SH3PXD2A: variants seen among roughly 807,000 people sequenced by gnomAD.
The protein encoded by SH3PXD2A is SH3 and PX domain-containing protein 2A.
A neutral mutation model predicts 115.2 loss-of-function variants in SH3PXD2A; 32 were observed. That is an observed-to-expected ratio of 0.28 (90% CI 0.21 to 0.37). The LOEUF is 0.37. Ranked by LOEUF, SH3PXD2A falls within the 10% of genes least tolerant of loss-of-function variation. The pLI, the probability that SH3PXD2A is intolerant of heterozygous loss-of-function variation, is 1.00. For missense variants in SH3PXD2A, 1,328 were observed against 1,498.7 expected (o/e 0.89, Z 1.88); for synonymous variants, 610 against 629.1 (o/e 0.97, Z 0.45).
At chr10:103,668,718 GGCAGGAGGTCCACAGTGAGTGGCT>G in intron 6 of SH3PXD2A, 66 bp from the exon 7 acceptor site, 2 of 1,435,078 alleles carry the variant, frequency 1.4e-6, no homozygotes, top group Non-Finnish European at 1.9e-6. Flanking sequence ...CGGTTAGGCA[GGCAGGAGGTCCACAGTGAGTGGCT>G]GCAGGCGCCG....
At chr10:103,802,363 C>T (rs117844632) in intron 1 of SH3PXD2A, among the ~76,000 whole-genome samples, 28 of 152,194 alleles carry the variant, frequency 1.8e-4, no homozygotes, top group Non-Finnish European at 2.9e-4. Flanking sequence ...GGCGTTAGCA[C>T]GTGGGAGACT....
At chr10:103,782,185 G>A (rs2038937316) in intron 2 of SH3PXD2A, among the ~76,000 whole-genome samples, 1 of 152,220 alleles carries the variant, frequency 6.6e-6, no homozygotes, top group Non-Finnish European at 1.5e-5. Flanking sequence ...TCCTCCCAAT[G>A]TTCCACGCCG....
rs1564841622 is a variant in SH3PXD2A, at chr10:103,603,714, T to G, written c.1504A>C (p.Ile502Leu). 1 of 1,611,018 alleles carries G rather than the reference T, an allele frequency of 6.2e-7. No homozygotes were observed. Among genetic ancestry groups the G allele is most frequent in the Non-Finnish European group, 8.5e-7 (1 of 1,179,796 alleles). The stretch of plus-strand genomic sequence containing the variant: ...AGGTTGGGCTTCTTGCGCTTATCGA[T>G]GTATGATGCGGGGGCCCAGCCCTCC... ...EKEGWAPASY[I>L]DKRKKPNLSR... The change falls in exon 15 of 15, where the codon ATC becomes CTC. Residue 502 changes from isoleucine (I) to leucine (L), a missense_variant. Ile to Leu is a conservative substitution (Grantham distance 5). Coordinates refer to ENST00000369774, the MANE Select transcript of SH3PXD2A (RefSeq NM_001394015.1).
chr10:103,597,761 C>G lies in SH3PXD2A; in HGVS notation c.*4055G>C, dbSNP rs1369303235. 6.6e-6 allele frequency: 1 copy of G among 152,650 alleles called. No homozygotes were observed. Among genetic ancestry groups the G allele is most frequent in the Non-Finnish European group, 1.5e-5 (1 of 68,046 alleles). The allele number at this position is 152,650 out of a possible 1,614,324, so 9.5% of individuals were successfully genotyped here. On this transcript the variant is annotated 3_prime_UTR_variant, in exon 15 of 15. Coordinates refer to ENST00000369774, the MANE Select transcript of SH3PXD2A (RefSeq NM_001394015.1). ...TCCATCTTGGTAATATTGCACTTTTCCTGTCTCTCAGATTGTTTCCATTTT... is the reference window on the plus strand; with the variant it reads ...TCCATCTTGGTAATATTGCACTTTTGCTGTCTCTCAGATTGTTTCCATTTT...
intron 6 of SH3PXD2A, 52 bp from the exon 7 acceptor site, chr10:103,668,704 A>C: frequency 6.6e-7 from 1 of 1,520,096 alleles, no homozygotes. Flanking sequence ...CCAGAGAGAG[A>C]GAACGGTTAG....
At chr10:103,611,782 G>A in intron 12 of SH3PXD2A, 152 bp from the exon 13 acceptor site, 1 of 686,448 alleles carries the variant, frequency 1.5e-6, no homozygotes, top group Non-Finnish European at 2.6e-6. Context: ...AGTCACTATG[G>A]GCACTGTGGT....
chr10:103,853,269 T>C (rs569808345), intron 1 of SH3PXD2A, among the ~76,000 whole-genome samples: 1 of 152,344 alleles, frequency 6.6e-6, no homozygotes, highest in African/African-American at 2.4e-5. Flanking sequence ...AAACCCAAAA[T>C]CTTTCTTCCT....
chr10:103,820,283 G>A (rs1416203088), intron 1 of SH3PXD2A, among the ~76,000 whole-genome samples: 1 of 152,026 alleles, frequency 6.6e-6, no homozygotes, highest in African/African-American at 2.4e-5. Context: ...CCTTCCTTCC[G>A]TGTGGCCAGA....
chr10:103,684,918 G>T (rs913812459), intron 6 of SH3PXD2A, among the ~76,000 whole-genome samples: 1 of 152,130 alleles, frequency 6.6e-6, no homozygotes, highest in African/African-American at 2.4e-5. Context: ...TACTCAGAAG[G>T]CTGAGGTGAG....
chr10:103,771,442 C>A (rs2038817851), intron 2 of SH3PXD2A, among the ~76,000 whole-genome samples: 1 of 152,046 alleles, frequency 6.6e-6, no homozygotes, highest in South Asian at 2.1e-4. Flanking sequence ...GCCTTAGGTG[C>A]TAGAAATAAG....
In SH3PXD2A at chr10:103,691,341, A is replaced by G. The variant is rs114457086; in HGVS notation, c.427+1687T>C. 5.2e-3 allele frequency among the ~76,000 whole-genome samples: 798 copies of G among 152,284 alleles called. 6 individuals carry two copies. Among genetic ancestry groups the G allele is most frequent in the African/African-American group, 0.018 (740 of 41,536 alleles). ...CAGATAACATTAGCATTTTTGTTTT[A>G]AAGAAAATGAGGAAACTGAGGCACA... On this transcript the variant is annotated intron_variant, in intron 6 of 14. Coordinates refer to ENST00000369774, the MANE Select transcript of SH3PXD2A (RefSeq NM_001394015.1).
chr10:103,772,975 G>C (rs1316461773), intron 2 of SH3PXD2A, among the ~76,000 whole-genome samples: 1 of 152,222 alleles, frequency 6.6e-6, no homozygotes, highest in Non-Finnish European at 1.5e-5. Flanking sequence ...TGTAATCCCG[G>C]CACTTTGGAA....
intron 2 of SH3PXD2A, among the ~76,000 whole-genome samples, chr10:103,781,820 G>C (rs1291566334): frequency 6.6e-6 from 1 of 152,218 alleles, no homozygotes; most frequent in Non-Finnish European, 1.5e-5. Context: ...AGTCACTCTA[G>C]GTGAATGGGC....
chr10:103,687,296 G>C (rs2037690739), intron 6 of SH3PXD2A, among the ~76,000 whole-genome samples: 1 of 152,126 alleles, frequency 6.6e-6, no homozygotes, highest in Non-Finnish European at 1.5e-5. Flanking sequence ...GTGTAAGCTA[G>C]TTCCTTACAC....
chr10:103,678,777 C>T (rs2037572929), intron 6 of SH3PXD2A, among the ~76,000 whole-genome samples: 1 of 152,240 alleles, frequency 6.6e-6, no homozygotes, highest in Non-Finnish European at 1.5e-5. Flanking sequence ...ATCCTGGAAT[C>T]ACAAGGAGTC....
Position 103,764,125 on chromosome 10 carries a change from C to G in SH3PXD2A, c.229+2969G>C. ...TCTGACACCCTCTCCTCCTGGAAGC[C>G]CTGTGCATCAGGGCGGTGGGGGTGG... is the stretch of plus-strand genomic sequence containing the variant. On this transcript the variant is annotated intron_variant, in intron 3 of 14. Transcript: ENST00000369774. 2.0e-5 allele frequency among the ~76,000 whole-genome samples: 3 copies of G among 152,334 alleles called. 1 individual carries two copies. Among genetic ancestry groups the G allele is most frequent in the Middle Eastern group, 6.8e-3 (2 of 294 alleles).
chr10:103,668,778 CGGA>C, intron 6 of SH3PXD2A, 126 bp from the exon 7 acceptor site: 1 of 825,536 alleles, frequency 1.2e-6, no homozygotes, highest in Non-Finnish European at 2.0e-6. Context: ...GGGCGGAAGG[CGGA>C]GGAGGGAGGA....
intron 1 of SH3PXD2A, among the ~76,000 whole-genome samples, chr10:103,823,422 G>A (rs1474363432): frequency 6.6e-6 from 1 of 152,208 alleles, no homozygotes; most frequent in Non-Finnish European, 1.5e-5. Context: ...ACAGGGTTGG[G>A]AGCATTATTC....
At chr10:103,823,077 T>C (rs1210976792) in intron 1 of SH3PXD2A, among the ~76,000 whole-genome samples, 1 of 152,208 alleles carries the variant, frequency 6.6e-6, no homozygotes, top group Non-Finnish European at 1.5e-5. Context: ...CCAATTCCCC[T>C]GCTAGGAATT....
Sources: allele counts gnomAD v4.1 joint callset (sites outside exome capture counted in the v4.1 genomes callset), GRCh38; gene constraint gnomAD v4.1.1; transcripts MANE v1.5; gene names NCBI Gene and HGNC (gene_info 2026-07-23, HGNC 2026-07-21).